Variants in UBE2K observed in about 807,000 individuals in gnomAD.
The protein encoded by UBE2K is ubiquitin conjugating enzyme E2 K, also known as ubiquitin-conjugating enzyme E2 K.
Under a neutral mutation model 30.0 loss-of-function variants are expected in UBE2K, and 6 were observed. That is an observed-to-expected ratio of 0.20 (90% CI 0.11 to 0.39). The LOEUF is 0.39. Ranked by LOEUF, UBE2K falls within the 10% of genes least tolerant of loss-of-function variation. The pLI is 1.00. For synonymous variants in UBE2K, 86 were observed against 83.7 expected (o/e 1.03, Z -0.15); for missense variants, 61 against 241.6 (o/e 0.25, Z 4.96).
At chr4:39,716,580 G>T (rs1423328326) in intron 1 of UBE2K, among the ~76,000 whole-genome samples, 1 of 152,132 alleles carries the variant, frequency 6.6e-6, no homozygotes, top group African/African-American at 2.4e-5. Context: ...ACGTTTCCTG[G>T]CAACTTGCAA....
chr4:39,721,633 A>G (rs1719425851), intron 1 of UBE2K, among the ~76,000 whole-genome samples: 1 of 152,118 alleles, frequency 6.6e-6, no homozygotes, highest in Non-Finnish European at 1.5e-5. Context: ...CTGGGATTAC[A>G]GGCATGAGAC....
At chr4:39,776,756 C>G (rs1713305260) in intron 5 of UBE2K, among the ~76,000 whole-genome samples, 1 of 151,964 alleles carries the variant, frequency 6.6e-6, no homozygotes, top group Non-Finnish European at 1.5e-5. Flanking sequence ...TCTCAGAGTA[C>G]TTCCAATTAG....
intron 4 of UBE2K, among the ~76,000 whole-genome samples, chr4:39,756,447 CT>C (rs1721520922): frequency 6.6e-6 from 1 of 152,106 alleles, no homozygotes; most frequent in Non-Finnish European, 1.5e-5. Context: ...TAGAGCTTTG[CT>C]TTTGTTTTTG....
intron 1 of UBE2K, among the ~76,000 whole-genome samples, chr4:39,726,316 C>G (rs961488450): frequency 1.3e-5 from 2 of 152,128 alleles, no homozygotes; most frequent in East Asian, 1.9e-4. Context: ...TTTTAACTTT[C>G]TGCTAAAATT....
At chr4:39,762,249 A>G (rs1353790428) in intron 4 of UBE2K, among the ~76,000 whole-genome samples, 6 of 151,772 alleles carry the variant, frequency 4.0e-5, no homozygotes, top group Non-Finnish European at 7.4e-5. Flanking sequence ...TATTGTAGAG[A>G]TGGGGTCTTG....
At chr4:39,705,636 A>G (rs1164260667) in intron 1 of UBE2K, among the ~76,000 whole-genome samples, 1 of 152,134 alleles carries the variant, frequency 6.6e-6, no homozygotes, top group Non-Finnish European at 1.5e-5. Context: ...CAAAGAGTAA[A>G]TGCTATGGGA....
chr4:39,740,141 T>G (rs551986862), intron 2 of UBE2K, among the ~76,000 whole-genome samples: 4 of 152,074 alleles, frequency 2.6e-5, no homozygotes, highest in Admixed American at 6.6e-5. Flanking sequence ...TATACTAGCT[T>G]CTTCTTGAAG....
At chr4:39,724,348 T>G (rs1719607842) in intron 1 of UBE2K, among the ~76,000 whole-genome samples, 1 of 151,100 alleles carries the variant, frequency 6.6e-6, no homozygotes. Context: ...GGGTGAATCC[T>G]CCTGCCTTGG....
chr4:39,778,573 GAAA>G lies in UBE2K; in HGVS notation c.*148_*150del. On this transcript the variant is annotated 3_prime_UTR_variant, in exon 7 of 7. Coordinates refer to ENST00000261427, the MANE Select transcript of UBE2K (RefSeq NM_005339.5). ...TGTTATCTAGGCACCATTGGAGACTGAAAAAAAAAAATCCCTGCTCTGTAAATA... is the reference window on the plus strand; with the variant it reads ...TGTTATCTAGGCACCATTGGAGACTGAAAAAAAATCCCTGCTCTGTAAATA... 2.7e-6 allele frequency: 1 copy of G among 375,864 alleles called. No individual in the cohort carries two copies. The highest frequency in any genetic ancestry group is 4.8e-6 in the Non-Finnish European group (1 of 209,606). The allele number at this position is 375,864 out of a possible 1,614,324, so 23.3% of individuals were successfully genotyped here.
At chr4:39,743,037 C>T (rs549993969) in intron 2 of UBE2K, among the ~76,000 whole-genome samples, 59 of 149,204 alleles carry the variant, frequency 4.0e-4, no homozygotes, top group African/African-American at 1.4e-3. Flanking sequence ...CAGAACGACC[C>T]TGTCTCAGGA....
chr4:39,703,115 C>T (rs980709208), intron 1 of UBE2K, among the ~76,000 whole-genome samples: 2 of 152,066 alleles, frequency 1.3e-5, no homozygotes, highest in Non-Finnish European at 2.9e-5. Context: ...CTCAGCCTCC[C>T]GAGTAGCTTG....
rs760067106 is a variant in UBE2K at position 39,737,401 on chromosome 4, T to C, written c.64-19T>C. 22 of 1,475,686 alleles carry C rather than the reference T, an allele frequency of 1.5e-5. No homozygotes were observed. Among genetic ancestry groups the C allele is most frequent in the African/African-American group, 4.4e-5 (3 of 68,756 alleles). The allele number at this position is 1,475,686 out of a possible 1,614,324, so 91.4% of individuals were successfully genotyped here. A position where few individuals can be genotyped will look rare whatever the true frequency, so the allele number is the denominator to read the frequency against. On this transcript the variant is annotated intron_variant, in intron 1 of 6. Coordinates refer to ENST00000261427, the MANE Select transcript of UBE2K (RefSeq NM_005339.5). The stretch of plus-strand genomic sequence containing the variant: ...TTCTTGCTGACATAACTAACATTTA[T>C]TTTCTGTTTATTTTTAAGACGAGCA...
chr4:39,732,188 C>T (rs1477909700), intron 1 of UBE2K, among the ~76,000 whole-genome samples: 1 of 152,092 alleles, frequency 6.6e-6, no homozygotes, highest in Admixed American at 6.6e-5. Flanking sequence ...AATTCACCAG[C>T]GAACCCTATG....
chr4:39,724,413 A>AT (rs1458145140), intron 1 of UBE2K, among the ~76,000 whole-genome samples: 4 of 151,404 alleles, frequency 2.6e-5, no homozygotes, highest in Admixed American at 6.6e-5. Flanking sequence ...CCCAAACTGT[A>AT]TTTTTTTGTC....
chr4:39,763,684 A>T (rs1165495114), intron 4 of UBE2K, among the ~76,000 whole-genome samples: 1 of 152,230 alleles, frequency 6.6e-6, no homozygotes, highest in East Asian at 1.9e-4. Context: ...TGGGAATTAC[A>T]TTGCAGCATG....
At chr4:39,716,870 C>T (rs961198683) in intron 1 of UBE2K, among the ~76,000 whole-genome samples, 1 of 151,870 alleles carries the variant, frequency 6.6e-6, no homozygotes, top group Non-Finnish European at 1.5e-5. Context: ...CAGCGGTGTG[C>T]ACCTGTAATC....
At chr4:39,777,955 G>A in intron 6 of UBE2K, 145 bp downstream of exon 6, 1 of 697,634 alleles carries the variant, frequency 1.4e-6, no homozygotes, top group Non-Finnish European at 2.1e-6. Context: ...AAAATTAGCT[G>A]GACATGGTAG....
chr4:39,739,058 C>T (rs1720528179), intron 2 of UBE2K, among the ~76,000 whole-genome samples: 3 of 150,806 alleles, frequency 2.0e-5, no homozygotes, highest in South Asian at 2.1e-4. Flanking sequence ...GATGGAGTCT[C>T]GCTCTGTTGC....
At position 39,711,411 on chromosome 4, in the gene UBE2K, C is replaced by G. The variant is rs1271577391; in HGVS notation, c.63+13021C>G. On this transcript the variant is annotated intron_variant, in intron 1 of 6. Coordinates refer to ENST00000261427, the MANE Select transcript of UBE2K (RefSeq NM_005339.5). ...TCTCCTGACTTCATGATCCGCCCGC[C>G]TCGGCCTCCCAAAGTGCTGAGATTA... Among the ~76,000 whole-genome samples, 4 of 151,922 alleles carry G rather than the reference C, an allele frequency of 2.6e-5. 1 individual carries two copies. Among genetic ancestry groups the G allele is most frequent in the African/African-American group, 9.6e-5 (4 of 41,474 alleles).
Sources: allele counts gnomAD v4.1 joint callset (sites outside exome capture counted in the v4.1 genomes callset), GRCh38; gene constraint gnomAD v4.1.1; transcripts MANE v1.5; gene names NCBI Gene and HGNC (gene_info 2026-07-23, HGNC 2026-07-21).